The following ADRA1B variants were observed in gnomAD, a reference collection of about 807,000 sequenced individuals.
ADRA1B encodes the protein alpha-1B adrenergic receptor.
Under a neutral mutation model 17.9 loss-of-function variants are expected in ADRA1B, and 17 were observed. The ratio of observed to expected loss-of-function variants is 0.95; its 90% CI spans 0.65 to 1.42. The LOEUF is 1.42. Ranked by LOEUF, ADRA1B falls within the 40% of genes most tolerant of loss-of-function variation. ADRA1B has a pLI of 0.00. For synonymous variants in ADRA1B, 366 were observed against 327.6 expected, an observed-to-expected ratio of 1.12 and a Z score of -1.27; for missense variants, 681 against 722.1, an observed-to-expected ratio of 0.94 and a Z score of 0.65.
Position 159,939,373 on chromosome 5 carries a change from T to C in ADRA1B, c.949+21519T>C, listed in dbSNP as rs189582693. Among the ~76,000 whole-genome samples the C allele has an allele frequency of 2.5e-4, 38 of 150,602 alleles. No individual in the cohort carries two copies. The East Asian group carries it at 4.2e-3, about 17-fold the overall frequency. On this transcript the variant is annotated intron_variant, in intron 1 of 1. Coordinates refer to ENST00000306675, the MANE Select transcript of ADRA1B (RefSeq NM_000679.4). ...TGAGGATAGTTCAGCCCAAGGTAAA[T>C]TGCTGACCTGCTTACAAATTGTCTT...
intron 1 of ADRA1B, among the ~76,000 whole-genome samples, chr5:159,910,413 G>A (rs1449632543): frequency 1.3e-5 from 2 of 152,172 alleles, no homozygotes; most frequent in East Asian, 1.9e-4. Context: ...AGCAAGTTGT[G>A]GGCATGGAGT....
intron 1 of ADRA1B, among the ~76,000 whole-genome samples, chr5:159,957,547 T>C (rs1279132441): frequency 6.6e-6 from 1 of 151,364 alleles, no homozygotes; most frequent in African/African-American, 2.4e-5. Flanking sequence ...ATTAATTCAT[T>C]GGGTGTCAAT....
intron 1 of ADRA1B, among the ~76,000 whole-genome samples, chr5:159,906,706 A>G (rs915884749): frequency 2.6e-5 from 4 of 152,176 alleles, no homozygotes; most frequent in African/African-American, 4.8e-5. Flanking sequence ...CAAGAAGGGG[A>G]AAAGTGAGCA....
At chr5:159,871,039 G>C (rs917982761) in intron 1 of ADRA1B, 1 of 152,206 alleles carries the variant, frequency 6.6e-6, no homozygotes, top group African/African-American at 2.4e-5. Flanking sequence ...GAGGTGAGGA[G>C]GAGTAGTTGT....
At chr5:159,918,563 T>C (rs548507806) in intron 1 of ADRA1B, among the ~76,000 whole-genome samples, 1 of 152,342 alleles carries the variant, frequency 6.6e-6, no homozygotes, top group East Asian at 1.9e-4. Flanking sequence ...CTCTAGTGAT[T>C]TATGGAATGC....
intron 1 of ADRA1B, among the ~76,000 whole-genome samples, chr5:159,929,796 A>G (rs1051723571): frequency 2.0e-5 from 3 of 152,032 alleles, no homozygotes; most frequent in African/African-American, 7.2e-5. Context: ...CCACATTCAC[A>G]CCCAACACTC....
At chr5:159,875,659 C>T (rs1753793967) in intron 1 of ADRA1B, among the ~76,000 whole-genome samples, 3 of 152,202 alleles carry the variant, frequency 2.0e-5, no homozygotes, top group African/African-American at 7.2e-5. Context: ...AGCTCAATAA[C>T]CAGCATCAGC....
intron 1 of ADRA1B, among the ~76,000 whole-genome samples, chr5:159,919,111 G>A (rs113387743): frequency 5.9e-5 from 9 of 152,074 alleles, no homozygotes; most frequent in African/African-American, 2.2e-4. Context: ...CATTTAAAAA[G>A]AAAGAAAAAG....
upstream of ADRA1B, among the ~76,000 whole-genome samples, chr5:159,911,953 C>T (rs572393515): frequency 6.6e-6 from 1 of 152,260 alleles, no homozygotes; most frequent in South Asian, 2.1e-4. Flanking sequence ...TGGCCTCAGG[C>T]AAATCGTTTA....
intron 1 of ADRA1B, among the ~76,000 whole-genome samples, chr5:159,885,452 C>T (rs188989875): frequency 7.2e-5 from 11 of 152,220 alleles, no homozygotes; most frequent in South Asian, 2.1e-4. Flanking sequence ...GACATAAGCA[C>T]ATATTTGCTA....
chr5:159,932,699 T>C (rs944024805), intron 1 of ADRA1B, among the ~76,000 whole-genome samples: 2 of 152,182 alleles, frequency 1.3e-5, no homozygotes, highest in Non-Finnish European at 2.9e-5. Flanking sequence ...CTTCCAGATA[T>C]GTTCTATGCA....
chr5:159,942,255 G>T (rs1007324621), intron 1 of ADRA1B, among the ~76,000 whole-genome samples: 3 of 152,108 alleles, frequency 2.0e-5, no homozygotes, highest in Admixed American at 6.6e-5. Flanking sequence ...TGATGAAATT[G>T]TCCTGTAATT....
Position 159,885,052 on chromosome 5 carries a change from T to C in ADRA1B, c.-256+19846T>C, listed in dbSNP as rs76106833. Among the ~76,000 whole-genome samples, 983 of 152,248 alleles carry C rather than the reference T, an allele frequency of 6.5e-3. 14 individuals are homozygous for C. Among genetic ancestry groups the C allele is most frequent in the African/African-American group, 0.021 (887 of 41,538 alleles). ...AAAAGAAAGTTGGAAGCAGAAATGG[T>C]ACATTTCAGCTGCCCTCTCATCAGA... is the stretch of plus-strand genomic sequence containing the variant. On this transcript the variant is annotated intron_variant, in intron 1 of 2. Transcript: ENST00000641205.
chr5:159,900,360 A>G (rs943875274), intron 1 of ADRA1B, among the ~76,000 whole-genome samples: 12 of 152,240 alleles, frequency 7.9e-5, no homozygotes, highest in Non-Finnish European at 1.3e-4. Flanking sequence ...AGTGGAATAC[A>G]TCTTTCCGTT....
intron 1 of ADRA1B, chr5:159,929,021 C>G (rs1388852004): frequency 6.6e-6 from 1 of 152,122 alleles, no homozygotes; most frequent in Non-Finnish European, 1.5e-5. Context: ...TGTCCCCAGC[C>G]CTTTAGCATT....
chr5:159,981,062 T>C, the ADRA1B span, among the ~76,000 whole-genome samples: 1 of 152,212 alleles, frequency 6.6e-6, no homozygotes, highest in African/African-American at 2.4e-5. Flanking sequence ...AAGAGACTTC[T>C]AGGCCAGGGG....
chr5:159,934,383 G>A (rs1754892932), intron 1 of ADRA1B, among the ~76,000 whole-genome samples: 1 of 152,070 alleles, frequency 6.6e-6, no homozygotes, highest in South Asian at 2.1e-4. Context: ...AGCCCTTCCT[G>A]TCACCTGCCT....
upstream of ADRA1B, chr5:159,916,309 C>G (rs1166716624): frequency 6.6e-6 from 1 of 152,140 alleles, no homozygotes; most frequent in African/African-American, 2.4e-5. Flanking sequence ...CCCCTGCCCC[C>G]GCCCCGCCCC....
In ADRA1B at chr5:159,917,134, C is replaced by T. The variant is rs571519472; in HGVS notation, c.229C>T (p.Arg77Trp). The change falls in exon 1 of 2, where the codon CGG (arginine) becomes TGG (tryptophan). Residue 77 changes from arginine to tryptophan, a missense_variant. Arg to Trp is a moderately radical substitution (Grantham distance 101). Around this residue, in one of 3 missense-constraint regions of ADRA1B, gnomAD observed 424 missense variants for 480.2 expected, o/e 0.88. Transcript: ENST00000306675. ...GTCTGTGGCCTGCAACCGGCACCTG[C>T]GGACGCCCACCAACTACTTCATTGT... Reference protein sequence around the residue: ...ILSVACNRHLRTPTNYFIVNL... With the variant: ...ILSVACNRHLWTPTNYFIVNL... 149 of 1,613,948 alleles carry T rather than the reference C, an allele frequency of 9.2e-5. No individual in the cohort carries two copies. The highest frequency in any genetic ancestry group is 1.2e-4 in the Non-Finnish European group (142 of 1,180,004).
Sources: gnomAD v4.1 joint callset for allele counts (sites outside exome capture counted in the v4.1 genomes callset) on GRCh38, gnomAD v4.1.1 for gene constraint, gnomAD v4.1.1 regional missense constraint, MANE v1.5 for transcripts, NCBI Gene and HGNC (gene_info 2026-07-23, HGNC 2026-07-21) for gene names.